The following NR2F6 variants were observed in gnomAD, a reference collection of about 807,000 sequenced individuals.
NR2F6 encodes the protein nuclear receptor subfamily 2 group F member 6.
In NR2F6, 16 loss-of-function variants were observed where a neutral mutation model predicts 26.5. That is an observed-to-expected ratio of 0.60 (90% CI 0.41 to 0.92). The LOEUF (loss-of-function observed/expected upper bound fraction) is 0.92. Among genes scored for constraint, NR2F6 ranks in the 40% least tolerant of loss-of-function variants. NR2F6 has a pLI of 0.00. For missense variants in NR2F6, 536 were observed against 631.7 expected (o/e 0.85, Z 1.62); for synonymous variants, 325 against 305.0 (o/e 1.07, Z -0.68).
chr19:17,240,609 G>C, intron 2 of NR2F6, 62 bp downstream of exon 2: 1 of 1,550,480 alleles, frequency 6.4e-7, no homozygotes. Context: ...GGAAGAAGCT[G>C]TTTGTTCACC....
Position 17,242,319 on chromosome 19 carries a change from AAAAAC to A in NR2F6, c.279-1559_279-1555del, listed in dbSNP as rs371048792. On this transcript the variant is annotated intron_variant, in intron 1 of 3. Coordinates refer to ENST00000291442, the MANE Select transcript of NR2F6 (RefSeq NM_005234.4). ...GGCAACAAGAGTGAAACTCCGTCTC[AAAAAC>A]AAAACAAAACAAAACAAAACAGATG... is the stretch of plus-strand genomic sequence containing the variant. Among the ~76,000 whole-genome samples, 143 of 152,306 alleles carry A rather than the reference AAAAAC, an allele frequency of 9.4e-4. 2 individuals carry two copies. In the East Asian group the frequency reaches 0.012, roughly 13 times the overall value.
rs2073494757 is a variant in NR2F6, at chr19:17,245,654, G to A, written c.-434C>T. ...CCGAGCGCGGGAGGCCGGGGGGAAA[G>A]TTTGGCCGCAAGTTGCGCGGCCGCC... On this transcript the variant is annotated 5_prime_UTR_variant, in exon 1 of 4. Coordinates refer to ENST00000291442, the MANE Select transcript of NR2F6 (RefSeq NM_005234.4). This position sits in a 1 kb window ranked among gnomAD's most constrained non-coding sequence, Gnocchi z 5.0. The A allele has an allele frequency of 6.8e-6, 1 of 146,366 alleles. No individual in the cohort carries two copies. Among genetic ancestry groups the A allele is most frequent in the South Asian group, 2.1e-4 (1 of 4,814 alleles). 9.1% of individuals were successfully genotyped at this position (146,366 alleles called of 1,614,324 possible).
At position 17,232,577 on chromosome 19, in the gene NR2F6, C is replaced by G. The variant is rs771246371; in HGVS notation, c.990G>C (p.Lys330Asn). 1.3e-6 allele frequency: 2 copies of G among 1,581,394 alleles called. No individual in the cohort carries two copies. Among genetic ancestry groups the G allele is most frequent in the Middle Eastern group, 1.7e-4 (1 of 5,894 alleles). Residue 330 changes from lysine to asparagine, a missense_variant, in exon 4 of 4, where the codon AAG becomes AAC. Physicochemically the swap from Lys to Asn is moderately conservative, Grantham distance 94. Transcript: ENST00000291442. Reference protein sequence around the residue: ...DPAHVESLQEKAQVALTEYVR... With the variant: ...DPAHVESLQENAQVALTEYVR... ...CATACTCGGTGAGGGCCACCTGCGC[C>G]TTCTCCTGCAGGCTCTCAACGTGGG...
At position 17,245,228 on chromosome 19, in the gene NR2F6, G is replaced by A; in HGVS notation, c.-8C>T. On this transcript the variant is annotated 5_prime_UTR_variant, in exon 1 of 4. Coordinates refer to ENST00000291442, the MANE Select transcript of NR2F6 (RefSeq NM_005234.4). This position sits in a 1 kb window ranked among gnomAD's most constrained non-coding sequence, Gnocchi z 5.0. ...GCCGGTCACCATGGCCATAGCCCCA[G>A]GGCAGCGGGGCCGGGGCGCCCCCAC... 1.6e-6 allele frequency: 2 copies of A among 1,276,582 alleles called. No homozygotes were observed. Among genetic ancestry groups the A allele is most frequent in the Non-Finnish European group, 9.9e-7 (1 of 1,014,898 alleles). The allele number at this position is 1,276,582 out of a possible 1,614,324, so 79.1% of individuals were successfully genotyped here.
chr19:17,234,169 G>C (rs2073423011), intron 3 of NR2F6, among the ~76,000 whole-genome samples: 1 of 150,720 alleles, frequency 6.6e-6, no homozygotes, highest in African/African-American at 2.4e-5. Flanking sequence ...GTTGCAGTGA[G>C]CCGAGATCGT....
rs967586376 is a variant in NR2F6, at chr19:17,232,064, A to G, written c.*288T>C. ...GGGAAGCCAACCCCACCATCCCACA[A>G]GTTCATGCTAGGGGTGCTGAGGAAC... On this transcript the variant is annotated 3_prime_UTR_variant, in exon 4 of 4. Transcript: ENST00000291442. 9.7e-6 allele frequency: 4 copies of G among 412,830 alleles called. No individual in the cohort carries two copies. Among genetic ancestry groups the G allele is most frequent in the Non-Finnish European group, 1.7e-5 (4 of 230,904 alleles). 25.6% of individuals were successfully genotyped at this position (412,830 alleles called of 1,614,324 possible).
intron 1 of NR2F6, among the ~76,000 whole-genome samples, 177 bp from the exon 2 acceptor site, chr19:17,240,942 A>G (rs1568317942): frequency 6.6e-6 from 1 of 152,212 alleles, no homozygotes; most frequent in Non-Finnish European, 1.5e-5. Flanking sequence ...ACCAGACAGG[A>G]TAACCCGGAT....
chr19:17,241,180 A>G (rs2073467232), intron 1 of NR2F6, among the ~76,000 whole-genome samples: 1 of 152,204 alleles, frequency 6.6e-6, no homozygotes, highest in African/African-American at 2.4e-5. Flanking sequence ...ATTGTCCCCA[A>G]AAAGATGTGA....
chr19:17,240,022 T>C (rs921822813), intron 2 of NR2F6, among the ~76,000 whole-genome samples: 1 of 152,096 alleles, frequency 6.6e-6, no homozygotes, highest in Non-Finnish European at 1.5e-5. Context: ...CTCTGGGTTC[T>C]ACTTGAATTC....
chr19:17,245,326 G>C lies in NR2F6; in HGVS notation c.-106C>G. The C allele has an allele frequency of 9.9e-7, 1 of 1,009,458 alleles. No homozygotes were observed. The highest frequency in any genetic ancestry group is 1.2e-6 in the Non-Finnish European group (1 of 804,350). 62.5% of individuals were successfully genotyped at this position (1,009,458 alleles called of 1,614,324 possible). On this transcript the variant is annotated 5_prime_UTR_variant, in exon 1 of 4. Transcript: ENST00000291442. The surrounding 1 kb of genome is among the most constrained non-coding windows in gnomAD (Gnocchi z 5.0). ...GGCGCGCATTCGGCCCCGGCGCGCG[G>C]GGGGCACGGGCTGCACCCCCCAAAA...
rs1568315677 is a variant in NR2F6 at position 17,232,579 on chromosome 19, TCTC to T, written c.985_987del (p.Glu329del). ...TACTCGGTGAGGGCCACCTGCGCCT[TCTC>T]CTGCAGGCTCTCAACGTGGGCCGGG... On this transcript the variant is annotated inframe_deletion, in exon 4 of 4. Transcript: ENST00000291442. 1 of 1,576,772 alleles carries T rather than the reference TCTC, an allele frequency of 6.3e-7. No individual in the cohort carries two copies. Among genetic ancestry groups the T allele is most frequent in the Non-Finnish European group, 8.6e-7 (1 of 1,159,892 alleles).
chr19:17,237,353 C>A (rs1433570690), intron 2 of NR2F6, among the ~76,000 whole-genome samples: 1 of 151,416 alleles, frequency 6.6e-6, no homozygotes, highest in Non-Finnish European at 1.5e-5. Flanking sequence ...TTTTCTTTTT[C>A]TTTTTTCCCT....
Position 17,244,942 on chromosome 19 carries a change from C to G in NR2F6, c.278+1G>C. 6.4e-7 allele frequency: 1 copy of G among 1,560,768 alleles called. No homozygotes were observed. Among genetic ancestry groups the G allele is most frequent in the Non-Finnish European group, 8.7e-7 (1 of 1,153,128 alleles). ...CGGCGGCGCGCGGATGGGGGGCTCA[C>G]CGGCAGGTGTAGCTGAGGTTGCGGC... is the stretch of plus-strand genomic sequence containing the variant. On this transcript the variant is annotated splice_donor_variant, in intron 1 of 3. Coordinates refer to ENST00000291442, the MANE Select transcript of NR2F6 (RefSeq NM_005234.4). LOFTEE classifies it high-confidence loss of function.
Position 17,241,277 on chromosome 19 carries a change from T to C in NR2F6, c.279-512A>G, listed in dbSNP as rs114360172. On this transcript the variant is annotated intron_variant, in intron 1 of 3. Coordinates refer to ENST00000291442, the MANE Select transcript of NR2F6 (RefSeq NM_005234.4). Reference sequence around the variant, plus strand: ...GCTAGTGGTCTGTGGGGTCATAGCATTGTGGGGCCCCAGCATTATCACCCG... The same window carrying C: ...GCTAGTGGTCTGTGGGGTCATAGCACTGTGGGGCCCCAGCATTATCACCCG... Among the ~76,000 whole-genome samples the C allele has an allele frequency of 9.6e-3, 1,460 of 152,224 alleles. 24 individuals are homozygous for C. Among genetic ancestry groups the C allele is most frequent in the African/African-American group, 0.033 (1,368 of 41,530 alleles).
In NR2F6 at chr19:17,232,200, A is replaced by T. The variant is rs1049783240; in HGVS notation, c.*152T>A. ...GGTTTCATGATCATTTAAAAAACAGAAAAGACAAACATTTCACAGTCTTTA... is the reference window on the plus strand; with the variant it reads ...GGTTTCATGATCATTTAAAAAACAGTAAAGACAAACATTTCACAGTCTTTA... On this transcript the variant is annotated 3_prime_UTR_variant, in exon 4 of 4. Coordinates refer to ENST00000291442, the MANE Select transcript of NR2F6 (RefSeq NM_005234.4). 8 of 1,111,906 alleles carry T rather than the reference A, an allele frequency of 7.2e-6. No individual in the cohort carries two copies. Among genetic ancestry groups the T allele is most frequent in the Non-Finnish European group, 1.0e-5 (8 of 798,544 alleles). 68.9% of individuals were successfully genotyped at this position (1,111,906 alleles called of 1,614,324 possible).
intron 1 of NR2F6, among the ~76,000 whole-genome samples, chr19:17,241,711 C>T (rs2073470272): frequency 6.6e-6 from 1 of 152,202 alleles, no homozygotes; most frequent in Non-Finnish European, 1.5e-5. Flanking sequence ...CAGAGTAGAA[C>T]CACCACTTAA....
chr19:17,243,079 G>A (rs553574157), intron 1 of NR2F6, among the ~76,000 whole-genome samples: 1 of 152,282 alleles, frequency 6.6e-6, no homozygotes, highest in African/African-American at 2.4e-5. Flanking sequence ...AGCTCCCCCA[G>A]TCTGCCACTA....
Position 17,245,060 on chromosome 19 carries a change from A to C in NR2F6, c.161T>G (p.Val54Gly), listed in dbSNP as rs763258279. 31 of 1,600,512 alleles carry C rather than the reference A, an allele frequency of 1.9e-5. No individual in the cohort carries two copies. In the African/African-American group the frequency reaches 2.2e-4, roughly 11 times the overall value. ...CTTGTCCCCGCACACCACGCAGTCC[A>C]CCTGCAGCCCCGGCCGCTCCTCGTC... is the stretch of plus-strand genomic sequence containing the variant. The part of the protein sequence containing the change: ...PGDEERPGLQ[V>G]DCVVCGDKSS... Residue 54 changes from valine (V) to glycine (G), a missense_variant, in exon 1 of 4, where the codon GTG (valine) becomes GGG (glycine). Transcript: ENST00000291442. The surrounding 1 kb of genome is among the most constrained non-coding windows in gnomAD (Gnocchi z 5.0).
chr19:17,235,768 G>A lies in NR2F6; in HGVS notation c.671C>T (p.Pro224Leu). Residue 224 changes from proline to leucine, a missense_variant, in exon 3 of 4, where the codon CCC (proline) becomes CTC (leucine). Coordinates refer to ENST00000291442, the MANE Select transcript of NR2F6 (RefSeq NM_005234.4). The surrounding 1 kb of genome is among the most constrained non-coding windows in gnomAD (Gnocchi z 5.0). ...CACCTGGTCGGCCACCGGCAGCTCG[G>A]GGAAGAAGGGCGCGTGGCGCGCCCA... ...VEWARHAPFFPELPVADQVAL... is the reference protein window; with the variant it reads ...VEWARHAPFFLELPVADQVAL... The A allele has an allele frequency of 6.7e-7, 1 of 1,498,262 alleles. No individual in the cohort carries two copies. The highest frequency in any genetic ancestry group is 8.8e-7 in the Non-Finnish European group (1 of 1,132,424). 92.8% of individuals were successfully genotyped at this position (1,498,262 alleles called of 1,614,324 possible).
Sources: allele counts gnomAD v4.1 joint callset (sites outside exome capture counted in the v4.1 genomes callset), GRCh38; gene constraint gnomAD v4.1.1; non-coding constraint Gnocchi (gnomAD v3.1); transcripts MANE v1.5; gene names NCBI Gene and HGNC (gene_info 2026-07-23, HGNC 2026-07-21).